The following HIVEP3 variants were observed in gnomAD, a reference collection of about 807,000 sequenced individuals.
The protein encoded by HIVEP3 is HIVEP zinc finger 3.
HIVEP3 carries 49 observed loss-of-function variants against 152.8 expected under a neutral mutation model. The ratio of observed to expected loss-of-function variants is 0.32; its 90% CI spans 0.26 to 0.41. HIVEP3 has a LOEUF of 0.41. HIVEP3 is among the 10% of genes least tolerant of loss of function. The pLI is 1.00. For missense variants in HIVEP3, 2,790 were observed against 3,103.3 expected, an observed-to-expected ratio of 0.90 and a Z score of 2.40; for synonymous variants, 1,269 against 1,289.0, an observed-to-expected ratio of 0.98 and a Z score of 0.33.
At chr1:41,621,747 G>A (rs771450481) in intron 3 of HIVEP3, among the ~76,000 whole-genome samples, 5 of 152,036 alleles carry the variant, frequency 3.3e-5, no homozygotes, top group Non-Finnish European at 5.9e-5. Flanking sequence ...CAAACTCTCC[G>A]GCTCAGGTGA....
At chr1:41,828,271 C>T (rs1642860601) in intron 1 of HIVEP3, among the ~76,000 whole-genome samples, 1 of 152,226 alleles carries the variant, frequency 6.6e-6, no homozygotes, top group Non-Finnish European at 1.5e-5. Context: ...CCCCTCACAG[C>T]TGCATCATCA....
chr1:41,903,431 G>A (rs995013575), intron 1 of HIVEP3, among the ~76,000 whole-genome samples: 1 of 152,232 alleles, frequency 6.6e-6, no homozygotes, highest in African/African-American at 2.4e-5. Flanking sequence ...AGGAGGTGAT[G>A]TGTGCAAGGT....
intron 1 of HIVEP3, among the ~76,000 whole-genome samples, chr1:41,974,347 C>T (rs1388525324): frequency 6.6e-6 from 1 of 152,036 alleles, no homozygotes; most frequent in African/African-American, 2.4e-5. Context: ...TCTCTTCCCT[C>T]CCGTTCCTGT....
At chr1:41,640,444 A>T (rs1350302017) in intron 2 of HIVEP3, among the ~76,000 whole-genome samples, 1 of 152,168 alleles carries the variant, frequency 6.6e-6, no homozygotes, top group Admixed American at 6.5e-5. Context: ...TAGAAATCCC[A>T]TGAGGCAGCC....
rs1392632168 is a variant in HIVEP3 at position 41,507,501 on chromosome 1, T to C, written c.*2950A>G. 6.6e-6 allele frequency: 1 copy of C among 152,248 alleles called. No individual in the cohort carries two copies. The highest frequency in any genetic ancestry group is 1.5e-5 in the Non-Finnish European group (1 of 68,134). The allele number at this position is 152,248 out of a possible 1,614,324, so 9.4% of individuals were successfully genotyped here. A position where few individuals can be genotyped will look rare whatever the true frequency, so the allele number is the denominator to read the frequency against. ...GGTTTGGCTCTGAAACCTCGACCAGTTGGTTCCTCCCCCACTGCCCACACC... is the reference window on the plus strand; with the variant it reads ...GGTTTGGCTCTGAAACCTCGACCAGCTGGTTCCTCCCCCACTGCCCACACC... On this transcript the variant is annotated 3_prime_UTR_variant, in exon 9 of 9. Coordinates refer to ENST00000372583, the MANE Select transcript of HIVEP3 (RefSeq NM_024503.5).
At chr1:41,598,921 T>G (rs1219981101) in intron 3 of HIVEP3, among the ~76,000 whole-genome samples, 1 of 152,016 alleles carries the variant, frequency 6.6e-6, no homozygotes, top group Non-Finnish European at 1.5e-5. Context: ...GCTCAGGTGA[T>G]TCTCCCACCT....
At chr1:41,636,812 A>G (rs1036788656) in intron 2 of HIVEP3, among the ~76,000 whole-genome samples, 2 of 152,206 alleles carry the variant, frequency 1.3e-5, no homozygotes, top group South Asian at 4.1e-4. Context: ...TACAAAAATT[A>G]GCCCAGCATG....
At chr1:41,925,595 T>C (rs1413208904) in intron 1 of HIVEP3, among the ~76,000 whole-genome samples, 2 of 152,126 alleles carry the variant, frequency 1.3e-5, no homozygotes, top group African/African-American at 4.8e-5. Context: ...CTGCATATAG[T>C]GGACCCGTAC....
At chr1:41,566,527 A>C (rs1644166332) in intron 5 of HIVEP3, among the ~76,000 whole-genome samples, 1 of 152,140 alleles carries the variant, frequency 6.6e-6, no homozygotes. Context: ...CACTCCCTCC[A>C]GGCACTGCTT....
At chr1:41,774,836 A>T (rs1648594126) in intron 1 of HIVEP3, among the ~76,000 whole-genome samples, 1 of 150,570 alleles carries the variant, frequency 6.6e-6, no homozygotes, top group African/African-American at 2.5e-5. Context: ...TCACTCTGTC[A>T]CTAGGCTGGA....
intron 2 of HIVEP3, among the ~76,000 whole-genome samples, chr1:41,649,929 A>C (rs925760874): frequency 2.6e-5 from 4 of 152,188 alleles, no homozygotes; most frequent in African/African-American, 9.7e-5. Flanking sequence ...GATGGAATTC[A>C]TCAGGGCCAG....
chr1:41,961,075 C>T (rs940521880), intron 1 of HIVEP3, among the ~76,000 whole-genome samples: 1 of 152,188 alleles, frequency 6.6e-6, no homozygotes, highest in Non-Finnish European at 1.5e-5. Flanking sequence ...AGACAAGGTA[C>T]CTTCCACTTG....
At chr1:41,768,090 T>C (rs1339053324) in intron 1 of HIVEP3, among the ~76,000 whole-genome samples, 1 of 152,152 alleles carries the variant, frequency 6.6e-6, no homozygotes, top group Non-Finnish European at 1.5e-5. Flanking sequence ...GGCTGCTCTT[T>C]CCCCTCAAGC....
intron 5 of HIVEP3, among the ~76,000 whole-genome samples, chr1:41,548,081 G>T (rs1025959205): frequency 1.3e-5 from 2 of 152,130 alleles, no homozygotes; most frequent in African/African-American, 4.8e-5. Flanking sequence ...ACCTCAGCTC[G>T]AATGCCAGGT....
chr1:41,962,073 T>C (rs1215697896), intron 1 of HIVEP3, among the ~76,000 whole-genome samples: 2 of 152,170 alleles, frequency 1.3e-5, no homozygotes, highest in Admixed American at 6.5e-5. Context: ...CCATAAAAAA[T>C]TGGAGGGGTA....
At chr1:41,670,421 C>A (rs577608623) in intron 2 of HIVEP3, among the ~76,000 whole-genome samples, 2 of 152,256 alleles carry the variant, frequency 1.3e-5, no homozygotes, top group African/African-American at 4.8e-5. Flanking sequence ...GTGCCTCCAT[C>A]CCCCCTGAAT....
At chr1:41,804,822 G>A (rs533981145) in intron 1 of HIVEP3, among the ~76,000 whole-genome samples, 53 of 152,282 alleles carry the variant, frequency 3.5e-4, no homozygotes, top group African/African-American at 1.2e-3. Flanking sequence ...ATGCTAGATT[G>A]TTTTAGAGCA....
intron 1 of HIVEP3, among the ~76,000 whole-genome samples, chr1:42,005,372 CAT>C (rs1335700630): frequency 6.6e-6 from 1 of 151,868 alleles, no homozygotes; most frequent in Non-Finnish European, 1.5e-5. Context: ...TGCACATATA[CAT>C]ATATATGACA....
At chr1:41,712,972 C>T (rs893306028) in intron 1 of HIVEP3, among the ~76,000 whole-genome samples, 3 of 152,320 alleles carry the variant, frequency 2.0e-5, no homozygotes, top group South Asian at 2.1e-4. Flanking sequence ...CACCTCCCAC[C>T]GATGTGGAAG....
Sources: gnomAD v4.1 joint callset for allele counts (sites outside exome capture counted in the v4.1 genomes callset) on GRCh38, gnomAD v4.1.1 for gene constraint, MANE v1.5 for transcripts, NCBI Gene and HGNC (gene_info 2026-07-23, HGNC 2026-07-21) for gene names.